NALCN: variants seen among roughly 807,000 people sequenced by gnomAD.
NALCN encodes the protein sodium leak channel NALCN.
In NALCN, 111 loss-of-function variants were observed where a neutral mutation model predicts 225.3. The ratio of observed to expected loss-of-function variants is 0.49; its 90% confidence interval spans 0.42 to 0.58. NALCN has a LOEUF of 0.58. Ranked by LOEUF, NALCN falls within the 20% of genes least tolerant of loss-of-function variation. NALCN has a pLI of 0.00. For synonymous variants in NALCN, 764 were observed against 769.0 expected, an observed-to-expected ratio of 0.99 and a Z score of 0.11; for missense variants, 1,378 against 2,202.4, an observed-to-expected ratio of 0.63 and a Z score of 7.49.
chr13:101,303,978 A>G (rs1246623719), intron 7 of NALCN, among the ~76,000 whole-genome samples: 1 of 152,216 alleles, frequency 6.6e-6, no homozygotes, highest in Non-Finnish European at 1.5e-5. Context: ...CAATTATTTA[A>G]AACTTTAATA....
intron 1 of NALCN, among the ~76,000 whole-genome samples, chr13:101,400,595 G>A (rs549929891): frequency 1.5e-4 from 23 of 149,692 alleles, no homozygotes; most frequent in East Asian, 5.9e-4. Flanking sequence ...GTGTGTGCGC[G>A]CGCACACAGA....
chr13:101,097,781 A>T (rs1408521743), intron 27 of NALCN, among the ~76,000 whole-genome samples: 2 of 152,088 alleles, frequency 1.3e-5, no homozygotes, highest in African/African-American at 4.8e-5. Flanking sequence ...TTAGCCAGGC[A>T]TTTCAGGCAC....
chr13:101,212,004 T>G (rs1194462075), intron 13 of NALCN, among the ~76,000 whole-genome samples: 1 of 151,744 alleles, frequency 6.6e-6, no homozygotes, highest in African/African-American at 2.4e-5. Flanking sequence ...TTAAAAAAAA[T>G]AAAGTAAAAA....
chr13:101,387,198 G>T (rs1241943827), intron 3 of NALCN, among the ~76,000 whole-genome samples: 1 of 140,572 alleles, frequency 7.1e-6, no homozygotes, highest in Non-Finnish European at 1.5e-5. Context: ...TCCGCAGTCC[G>T]GCCTGGGCGA....
At chr13:101,083,902 G>C in intron 30 of NALCN, 98 bp from the exon 31 acceptor site, 1 of 1,025,892 alleles carries the variant, frequency 9.7e-7, no homozygotes, top group Non-Finnish European at 1.4e-6. Flanking sequence ...CTGATGTGAG[G>C]GCTTGCACTG....
chr13:101,193,036 AC>A (rs1349169857), intron 13 of NALCN, among the ~76,000 whole-genome samples: 1 of 151,948 alleles, frequency 6.6e-6, no homozygotes, highest in Non-Finnish European at 1.5e-5. Context: ...CAAGACAGAA[AC>A]CCAGTTACAC....
chr13:101,322,336 T>C lies in NALCN; in HGVS notation c.799+22930A>G, dbSNP rs1207412047. Reference sequence around the variant, plus strand: ...GTGTAAATGATCGTGTGCAAATTATTTGACAATGTACAATGCACATTTTTA... The same window carrying C: ...GTGTAAATGATCGTGTGCAAATTATCTGACAATGTACAATGCACATTTTTA... On this transcript the variant is annotated intron_variant, in intron 7 of 43. Coordinates refer to ENST00000251127, the MANE Select transcript of NALCN (RefSeq NM_052867.4). Among the ~76,000 whole-genome samples, 6 of 152,218 alleles carry C rather than the reference T, an allele frequency of 3.9e-5. No homozygotes were observed. In the East Asian group the frequency reaches 1.2e-3, roughly 29 times the overall value.
At chr13:101,181,070 CA>C (rs769982734) in intron 14 of NALCN, 10 of 515,426 alleles carry the variant, frequency 1.9e-5, no homozygotes, top group South Asian at 4.2e-5. Context: ...GCACATGGGC[CA>C]GGGGGGCACT....
At chr13:101,300,195 A>G (rs911769235) in intron 7 of NALCN, among the ~76,000 whole-genome samples, 1 of 152,130 alleles carries the variant, frequency 6.6e-6, no homozygotes, top group Non-Finnish European at 1.5e-5. Context: ...GATTTACTAA[A>G]CGATAAAGCA....
At position 101,055,410 on chromosome 13, in the gene NALCN, C is replaced by T; in HGVS notation, c.5102G>A (p.Cys1701Tyr). The change falls in exon 44 of 44, where the codon TGC becomes TAC. Residue 1701 changes from cysteine (C) to tyrosine (Y), a missense_variant. Physicochemically the swap from Cys to Tyr is radical, Grantham distance 194. Around this residue, in one of 19 missense-constraint regions of NALCN, gnomAD observed 145 missense variants for 169.6 expected, o/e 0.85. Transcript: ENST00000251127. Reference protein sequence around the residue: ...GGRTTMKSVVCKMNPMTDAAS... With the variant: ...GGRTTMKSVVYKMNPMTDAAS... ...CGCGTCAGTCATGGGGTTCATTTTG[C>T]ACACGACAGATTTCATGGTTGTCCT... 1 of 1,614,126 alleles carries T rather than the reference C, an allele frequency of 6.2e-7. No individual in the cohort carries two copies. Among genetic ancestry groups the T allele is most frequent in the Non-Finnish European group, 8.5e-7 (1 of 1,180,010 alleles).
chr13:101,215,050 A>G (rs73560705), intron 13 of NALCN, among the ~76,000 whole-genome samples: 2,788 of 152,260 alleles, frequency 0.018, 69 homozygotes, highest in African/African-American at 0.064. Context: ...ACAAAAATCA[A>G]TTCAGGCTAA....
chr13:101,205,105 T>A (rs1377393189), intron 13 of NALCN, among the ~76,000 whole-genome samples: 1 of 152,122 alleles, frequency 6.6e-6, no homozygotes, highest in Admixed American at 6.6e-5. Flanking sequence ...AAAAGACATT[T>A]AAGATCTAAT....
chr13:101,261,258 T>C (rs1172590690), intron 10 of NALCN, among the ~76,000 whole-genome samples: 1 of 152,236 alleles, frequency 6.6e-6, no homozygotes, highest in African/African-American at 2.4e-5. Context: ...GCGTTTTGAT[T>C]ACTGTAGCTT....
At chr13:101,129,893 C>T (rs1364841558) in intron 17 of NALCN, among the ~76,000 whole-genome samples, 1 of 151,832 alleles carries the variant, frequency 6.6e-6, no homozygotes, top group Non-Finnish European at 1.5e-5. Context: ...CGATAGCACC[C>T]AGTGTGTGAT....
intron 3 of NALCN, among the ~76,000 whole-genome samples, chr13:101,386,741 G>C (rs1198210839): frequency 6.6e-6 from 1 of 151,994 alleles, no homozygotes; most frequent in South Asian, 2.1e-4. Context: ...TATAAACTAG[G>C]TATCATTGGA....
At chr13:101,191,684 T>C (rs1217745628) in intron 14 of NALCN, among the ~76,000 whole-genome samples, 1 of 152,198 alleles carries the variant, frequency 6.6e-6, no homozygotes, top group Non-Finnish European at 1.5e-5. Flanking sequence ...TGTTCTGTCT[T>C]GTTTTCCCTC....
intron 34 of NALCN, among the ~76,000 whole-genome samples, chr13:101,080,146 A>T (rs972076173): frequency 6.6e-6 from 1 of 152,210 alleles, no homozygotes; most frequent in African/African-American, 2.4e-5. Flanking sequence ...TATATTGGCC[A>T]TTCAGAGCAG....
chr13:101,200,470 AT>A (rs1436809244), intron 13 of NALCN, among the ~76,000 whole-genome samples: 1 of 152,162 alleles, frequency 6.6e-6, no homozygotes, highest in Non-Finnish European at 1.5e-5. Context: ...TTGGTGCTGT[AT>A]TTTCCGGTTA....
At chr13:101,134,711 CT>C (rs2036685313) in intron 17 of NALCN, among the ~76,000 whole-genome samples, 1 of 152,094 alleles carries the variant, frequency 6.6e-6, no homozygotes. Flanking sequence ...CTTAATGGAT[CT>C]GATTTTTTTT....
Sources: gnomAD v4.1 joint callset for allele counts (sites outside exome capture counted in the v4.1 genomes callset) on GRCh38, gnomAD v4.1.1 for gene constraint, gnomAD v4.1.1 regional missense constraint, MANE v1.5 for transcripts, NCBI Gene and HGNC (gene_info 2026-07-23, HGNC 2026-07-21) for gene names.